Variants in KIF14 observed in about 807,000 individuals in gnomAD.
KIF14 encodes kinesin family member 14, also known as kinesin-like protein KIF14.
In KIF14, 98 loss-of-function variants were observed where a neutral mutation model predicts 176.2. The observed-to-expected ratio is 0.56, with a 90% CI of 0.47 to 0.66. KIF14 has a LOEUF of 0.66. KIF14 is among the 30% of genes least tolerant of loss of function. KIF14 has a pLI of 0.00. For synonymous variants in KIF14, 566 were observed against 632.2 expected, an observed-to-expected ratio of 0.90 and a Z score of 1.57; for missense variants, 1,751 against 1,920.4, an observed-to-expected ratio of 0.91 and a Z score of 1.65.
At position 200,567,979 on chromosome 1, in the gene KIF14, T is replaced by C. The variant is rs548021093; in HGVS notation, c.3661+1932A>G. On this transcript the variant is annotated intron_variant, in intron 23 of 29. Transcript: ENST00000367350. ...TATTCTCTATTTAAGAAGATAATTG[T>C]ATTAATGCATTCTAAAATCCAACAG... Among the ~76,000 whole-genome samples the C allele has an allele frequency of 3.9e-5, 6 of 152,314 alleles. No homozygotes were observed. The South Asian group carries it at 1.2e-3, about 32-fold the overall frequency.
intron 27 of KIF14, among the ~76,000 whole-genome samples, chr1:200,557,500 A>G (rs1438738009): frequency 6.6e-6 from 1 of 152,174 alleles, no homozygotes; most frequent in Non-Finnish European, 1.5e-5. Context: ...ATCCTCATTT[A>G]AAAATGGAAC....
At chr1:200,610,316 C>T (rs186269216) in intron 4 of KIF14, among the ~76,000 whole-genome samples, 15 of 152,046 alleles carry the variant, frequency 9.9e-5, no homozygotes, top group East Asian at 3.9e-4. Flanking sequence ...CTGGCTAACA[C>T]GGTGAAACTA....
At chr1:200,567,901 T>C (rs116237459) in intron 23 of KIF14, among the ~76,000 whole-genome samples, 1,929 of 151,318 alleles carry the variant, frequency 0.013, 33 homozygotes, top group African/African-American at 0.043. Flanking sequence ...GATGACTCAA[T>C]ATCATTATGA....
chr1:200,574,348 T>A (rs1441784783), intron 22 of KIF14, among the ~76,000 whole-genome samples: 4 of 152,204 alleles, frequency 2.6e-5, no homozygotes, highest in Non-Finnish European at 5.9e-5. Flanking sequence ...GACTTTCCCC[T>A]AGTCAGTCAC....
At position 200,586,101 on chromosome 1, in the gene KIF14, C is replaced by A; in HGVS notation, c.3241G>T (p.Val1081Leu). The change falls in exon 19 of 30, where the codon GTG becomes TTG. Residue 1081 changes from valine (V) to leucine (L), a missense_variant and splice_region_variant. Transcript: ENST00000367350. ...TTTGCTAAAATCAGCACACACTTAC[C>A]TGTAAAAGTTTTATCCCTATTATTC... ...NRNNRDKTFT[V>L]QTTWSSMKLS... 6.5e-7 allele frequency: 1 copy of A among 1,543,254 alleles called. No individual in the cohort carries two copies. The highest frequency in any genetic ancestry group is 8.8e-7 in the Non-Finnish European group (1 of 1,135,670).
Position 200,618,294 on chromosome 1 carries a change from T to C in KIF14, c.430A>G (p.Thr144Ala). Residue 144 changes from threonine to alanine, a missense_variant, in exon 2 of 30, where the codon ACA (threonine) becomes GCA (alanine). Coordinates refer to ENST00000367350, the MANE Select transcript of KIF14 (RefSeq NM_014875.3). ...TCTGTTTCACCTCCCACATTCAGTG[T>C]CATTTTGACAGAATCTATTTCAGCT... ...KTAEIDSVKMTLNVGGETENN... is the reference protein window; with the variant it reads ...KTAEIDSVKMALNVGGETENN... 1 of 1,613,856 alleles carries C rather than the reference T, an allele frequency of 6.2e-7. No individual in the cohort carries two copies. The highest frequency in any genetic ancestry group is 8.5e-7 in the Non-Finnish European group (1 of 1,179,994).
intron 6 of KIF14, among the ~76,000 whole-genome samples, 192 bp from the exon 7 acceptor site, chr1:200,606,086 T>C (rs917831481): frequency 6.6e-5 from 10 of 152,178 alleles, no homozygotes; most frequent in African/African-American, 2.4e-4. Context: ...AAAATAATGC[T>C]TTAATTTTAA....
At chr1:200,585,578 C>T (rs1435820855) in intron 19 of KIF14, among the ~76,000 whole-genome samples, 1 of 152,160 alleles carries the variant, frequency 6.6e-6, no homozygotes, top group Non-Finnish European at 1.5e-5. Flanking sequence ...AATTGCCAGA[C>T]TGGGTGGCTT....
In KIF14 at chr1:200,560,771, C is replaced by T; in HGVS notation, c.4181G>A (p.Ser1394Asn). Reference protein sequence around the residue: ...YVGQLAVLKGSKLHFLENGNN... With the variant: ...YVGQLAVLKGNKLHFLENGNN... ...ACCGTTTTCTAGAAAATGTAGCTTG[C>T]TCCCTTTCAGAACTGCTAACTGCCC... is the stretch of plus-strand genomic sequence containing the variant. The change falls in exon 26 of 30, where the codon AGC becomes AAC. Residue 1394 changes from serine (S) to asparagine (N), a missense_variant. By Grantham distance (46) the Ser-to-Asn change is conservative. Transcript: ENST00000367350. 1 of 1,614,212 alleles carries T rather than the reference C, an allele frequency of 6.2e-7. No homozygotes were observed. The highest frequency in any genetic ancestry group is 8.5e-7 in the Non-Finnish European group (1 of 1,180,022).
intron 13 of KIF14, among the ~76,000 whole-genome samples, chr1:200,599,735 G>C (rs985019886): frequency 1.3e-5 from 2 of 152,144 alleles, no homozygotes; most frequent in Non-Finnish European, 2.9e-5. Context: ...GGATGAAACT[G>C]TGTTTAATCA....
chr1:200,602,391 C>G (rs1448467357), intron 10 of KIF14, among the ~76,000 whole-genome samples: 3 of 152,112 alleles, frequency 2.0e-5, no homozygotes, highest in African/African-American at 7.2e-5. Flanking sequence ...TCCAGTGCTA[C>G]CACAACCTTT....
At chr1:200,572,176 A>G (rs757413954) in intron 22 of KIF14, among the ~76,000 whole-genome samples, 7 of 152,240 alleles carry the variant, frequency 4.6e-5, no homozygotes, top group Non-Finnish European at 8.8e-5. Flanking sequence ...CTTTTAAATT[A>G]TAGAAGTACC....
intron 22 of KIF14, among the ~76,000 whole-genome samples, chr1:200,573,495 G>A (rs978386311): frequency 4.3e-5 from 6 of 139,968 alleles, no homozygotes; most frequent in East Asian, 2.1e-4. Flanking sequence ...TTGCAGTGGC[G>A]CAATCTCGGC....
chr1:200,594,911 A>G (rs1361453428), intron 14 of KIF14, among the ~76,000 whole-genome samples: 1 of 152,172 alleles, frequency 6.6e-6, no homozygotes, highest in Non-Finnish European at 1.5e-5. Flanking sequence ...GGTTTATACA[A>G]TGTGTACTTG....
In KIF14 at chr1:200,618,749, G is replaced by C; in HGVS notation, c.-26C>G. 1 of 1,547,164 alleles carries C rather than the reference G, an allele frequency of 6.5e-7. No individual in the cohort carries two copies. The highest frequency in any genetic ancestry group is 8.8e-7 in the Non-Finnish European group (1 of 1,141,362). On this transcript the variant is annotated 5_prime_UTR_variant, in exon 2 of 30. Coordinates refer to ENST00000367350, the MANE Select transcript of KIF14 (RefSeq NM_014875.3). ...TTTGGCAGACAGTTATTTTAAAAAA[G>C]AATGTTACTAAGACCCTAAGCTCTT...
intron 22 of KIF14, among the ~76,000 whole-genome samples, chr1:200,572,870 C>T (rs772614032): frequency 1.2e-4 from 18 of 152,164 alleles, no homozygotes; most frequent in Non-Finnish European, 2.6e-4. Context: ...CCAATTTCAC[C>T]TAAGGACCAT....
At chr1:200,585,809 C>T (rs1658707432) in intron 19 of KIF14, among the ~76,000 whole-genome samples, 2 of 152,146 alleles carry the variant, frequency 1.3e-5, no homozygotes, top group South Asian at 2.1e-4. Context: ...GACTTACTCA[C>T]CTGCCAAAGA....
At position 200,615,416 on chromosome 1, in the gene KIF14, A is replaced by T; in HGVS notation, c.1306T>A (p.Phe436Ile). 6.2e-7 allele frequency: 1 copy of T among 1,614,128 alleles called. No individual in the cohort carries two copies. The highest frequency in any genetic ancestry group is 8.5e-7 in the Non-Finnish European group (1 of 1,179,950). ...KLAAPLLERA[F>I]EGFNTCLFAY... is the part of the protein sequence containing the mutation. ...AAAAGACAGGTATTGAAGCCTTCGA[A>T]GGCTCTTTCTAGGAGTGGTGCTGCT... is the stretch of plus-strand genomic sequence containing the variant. The change falls in exon 3 of 30, where the codon TTC (phenylalanine) becomes ATC (isoleucine). Residue 436 changes from phenylalanine to isoleucine, a missense_variant. Phe to Ile is a conservative substitution (Grantham distance 21). Transcript: ENST00000367350.
chr1:200,592,537 A>G (rs1363342315), intron 15 of KIF14, among the ~76,000 whole-genome samples: 1 of 152,118 alleles, frequency 6.6e-6, no homozygotes, highest in Admixed American at 6.5e-5. Context: ...CACCACACCC[A>G]GCTAATTTTT....
Sources: gnomAD v4.1 joint callset for allele counts (sites outside exome capture counted in the v4.1 genomes callset) on GRCh38, gnomAD v4.1.1 for gene constraint, MANE v1.5 for transcripts, NCBI Gene and HGNC (gene_info 2026-07-23, HGNC 2026-07-21) for gene names.